The following CNTN4 variants were observed in gnomAD, a reference collection of about 807,000 sequenced individuals.
CNTN4 encodes the protein contactin-4.
A neutral mutation model predicts 122.5 loss-of-function variants in CNTN4; 77 were observed. The ratio of observed to expected loss-of-function variants is 0.63; its 90% CI spans 0.52 to 0.76. The LOEUF is 0.76. Among genes scored for constraint, CNTN4 ranks in the 30% least tolerant of loss-of-function variants. The pLI, the probability that CNTN4 is intolerant of heterozygous loss-of-function variation, is 0.00. For missense variants in CNTN4, 1,256 were observed against 1,259.1 expected (o/e 1.00, Z 0.04); for synonymous variants, 512 against 447.0 (o/e 1.15, Z -1.83).
At chr3:2,184,830 A>G (rs1199681395) in intron 2 of CNTN4, among the ~76,000 whole-genome samples, 2 of 152,150 alleles carry the variant, frequency 1.3e-5, no homozygotes, top group Non-Finnish European at 2.9e-5. Flanking sequence ...GTGTGAGAAA[A>G]AAATTTCCAT....
chr3:2,720,335 C>T (rs112399146), intron 4 of CNTN4, among the ~76,000 whole-genome samples: 153 of 152,288 alleles, frequency 1.0e-3, no homozygotes, highest in Middle Eastern at 6.8e-3. Context: ...TACCTACCCT[C>T]TTTCCAGCCC....
intron 2 of CNTN4, among the ~76,000 whole-genome samples, chr3:2,142,681 C>G (rs1227969283): frequency 6.6e-6 from 1 of 152,194 alleles, no homozygotes; most frequent in African/African-American, 2.4e-5. Context: ...TAATCTTCCC[C>G]TCCATTACCA....
chr3:2,537,620 A>G (rs1196889124), intron 3 of CNTN4, among the ~76,000 whole-genome samples: 3 of 152,080 alleles, frequency 2.0e-5, no homozygotes, highest in South Asian at 2.1e-4. Flanking sequence ...GGAACTTGAC[A>G]TTTCATGACC....
intron 4 of CNTN4, among the ~76,000 whole-genome samples, chr3:2,595,875 C>G (rs779891376): frequency 6.6e-6 from 1 of 152,182 alleles, no homozygotes; most frequent in African/African-American, 2.4e-5. Context: ...GTTAGACAAT[C>G]TCATCATTTA....
At chr3:3,012,447 T>TTTGTTA (rs995906514) in intron 14 of CNTN4, among the ~76,000 whole-genome samples, 2 of 151,794 alleles carry the variant, frequency 1.3e-5, no homozygotes, top group African/African-American at 2.4e-5. Flanking sequence ...GGTTTGGTTT[T>TTTGTTA]TTGTTTTTGT....
At chr3:2,910,493 G>T (rs2094288253) in intron 12 of CNTN4, among the ~76,000 whole-genome samples, 1 of 152,116 alleles carries the variant, frequency 6.6e-6, no homozygotes, top group East Asian at 1.9e-4. Context: ...GCATCTTCTA[G>T]TAAAGAGGCA....
At chr3:2,817,671 A>T (rs4685565) in intron 6 of CNTN4, among the ~76,000 whole-genome samples, 47,630 of 152,070 alleles carry the variant, frequency 0.31, 8,591 homozygotes, top group Non-Finnish European at 0.41. Flanking sequence ...TTTTACCTAG[A>T]TGATACGTGA....
Position 3,034,555 on chromosome 3 carries a change from C to A in CNTN4, c.1784-77C>A, listed in dbSNP as rs1699433279. The A allele has an allele frequency of 3.5e-6, 5 of 1,415,146 alleles. No homozygotes were observed. The South Asian group carries it at 4.6e-5, about 13-fold the overall frequency. 87.7% of individuals were successfully genotyped at this position (1,415,146 alleles called of 1,614,324 possible). A position where few individuals can be genotyped will look rare whatever the true frequency, so the allele number is the denominator to read the frequency against. On this transcript the variant is annotated intron_variant, in intron 16 of 24. Transcript: ENST00000418658. ...GGTAGATAAATGAATGGGTCAATGC[C>A]CCATTCAAGTATGTGGCTCCTTTAC...
intron 3 of CNTN4, among the ~76,000 whole-genome samples, chr3:2,516,750 G>C (rs1272312107): frequency 6.6e-6 from 1 of 152,068 alleles, no homozygotes; most frequent in Non-Finnish European, 1.5e-5. Context: ...GGAATAAAGT[G>C]TTTCTTATGG....
At chr3:2,109,614 G>T (rs1370486012) in intron 2 of CNTN4, among the ~76,000 whole-genome samples, 1 of 152,198 alleles carries the variant, frequency 6.6e-6, no homozygotes, top group African/African-American at 2.4e-5. Flanking sequence ...GTCTGGACAA[G>T]AAGACAATCA....
Position 2,413,567 on chromosome 3 carries a change from G to A in CNTN4, c.-89+74334G>A, listed in dbSNP as rs79110821. ...CATGATTTCTTTTTTTTTTTGAGAC[G>A]GAGTCTCCCTTTGTTGCCCAGGCTG... On this transcript the variant is annotated intron_variant, in intron 3 of 24. Transcript: ENST00000418658. 4.6e-3 allele frequency among the ~76,000 whole-genome samples: 694 copies of A among 149,522 alleles called. 2 individuals carry two copies. Among genetic ancestry groups the A allele is most frequent in the African/African-American group, 0.016 (638 of 40,624 alleles).
intron 2 of CNTN4, among the ~76,000 whole-genome samples, chr3:2,125,963 C>A (rs1235565250): frequency 6.7e-6 from 1 of 150,260 alleles, no homozygotes; most frequent in Non-Finnish European, 1.5e-5. Context: ...ATTTTAAAAA[C>A]CCTGTCATAT....
chr3:2,166,339 AAG>A (rs2036193863), intron 2 of CNTN4, among the ~76,000 whole-genome samples: 1 of 152,004 alleles, frequency 6.6e-6, no homozygotes, highest in East Asian at 1.9e-4. Context: ...TATTATCAAA[AAG>A]TGAAAAGATA....
At position 2,433,486 on chromosome 3, in the gene CNTN4, G is replaced by T. The variant is rs562819871; in HGVS notation, c.-89+94253G>T. On this transcript the variant is annotated intron_variant, in intron 3 of 24. Coordinates refer to ENST00000418658, the MANE Select transcript of CNTN4 (RefSeq NM_175607.3). ...CATTTTTTTATTAGGTTATTTGTGGGTTTTTTTGCTGTTGAGTTTCATATA... is the reference window on the plus strand; with the variant it reads ...CATTTTTTTATTAGGTTATTTGTGGTTTTTTTTGCTGTTGAGTTTCATATA... 2.0e-3 allele frequency among the ~76,000 whole-genome samples: 301 copies of T among 151,958 alleles called. 1 individual carries two copies. The highest frequency in any genetic ancestry group is 3.4e-3 in the Middle Eastern group (1 of 294).
At chr3:2,637,038 C>T (rs2082691912) in intron 4 of CNTN4, among the ~76,000 whole-genome samples, 1 of 143,404 alleles carries the variant, frequency 7.0e-6, no homozygotes, top group Non-Finnish European at 1.5e-5. Context: ...ACTTTGAGGG[C>T]TCAGGTAATC....
chr3:2,987,861 T>A (rs1269400837), intron 13 of CNTN4, among the ~76,000 whole-genome samples: 1 of 152,238 alleles, frequency 6.6e-6, no homozygotes, highest in Non-Finnish European at 1.5e-5. Context: ...TAAAAATGTG[T>A]TGGCTGACAT....
chr3:2,875,521 T>C (rs748204937), intron 8 of CNTN4, among the ~76,000 whole-genome samples: 1 of 152,186 alleles, frequency 6.6e-6, no homozygotes, highest in Non-Finnish European at 1.5e-5. Context: ...TAAAGTTTTA[T>C]TGGCACACAG....
intron 10 of CNTN4, among the ~76,000 whole-genome samples, chr3:2,893,882 C>G (rs1349777180): frequency 2.6e-5 from 4 of 152,066 alleles, no homozygotes; most frequent in African/African-American, 9.7e-5. Context: ...GGTTTAAGGA[C>G]TCCTTTTTAC....
intron 4 of CNTN4, among the ~76,000 whole-genome samples, chr3:2,734,648 C>CTTT (rs71058638): frequency 7.8e-4 from 109 of 139,510 alleles, no homozygotes; most frequent in Middle Eastern, 3.7e-3. Context: ...GCATGAAGTG[C>CTTT]TTTTTTTTTT....
Sources: gnomAD v4.1 joint callset for allele counts (sites outside exome capture counted in the v4.1 genomes callset) on GRCh38, gnomAD v4.1.1 for gene constraint, MANE v1.5 for transcripts, NCBI Gene and HGNC (gene_info 2026-07-23, HGNC 2026-07-21) for gene names.